DNAH9: variants seen among roughly 807,000 people sequenced by gnomAD.
DNAH9 encodes DNAH9 variant protein.
A neutral mutation model predicts 471.6 loss-of-function variants in DNAH9; 345 were observed. The ratio of observed to expected loss-of-function variants is 0.73; its 90% CI spans 0.67 to 0.80. DNAH9 has a LOEUF of 0.80. Among genes scored for constraint, DNAH9 ranks in the 30% least tolerant of loss-of-function variants. The pLI is 0.00. For missense variants in DNAH9, 5,407 were observed against 5,609.2 expected (o/e 0.96, Z 1.15); for synonymous variants, 2,093 against 2,123.6 (o/e 0.99, Z 0.40).
chr17:11,905,873 C>A, intron 61 of DNAH9, 64 bp downstream of exon 61: 2 of 1,500,374 alleles, frequency 1.3e-6, no homozygotes, highest in Non-Finnish European at 1.8e-6. Context: ...TTCTTGGGGT[C>A]TATTGATTTC....
At chr17:11,689,478 A>T in intron 19 of DNAH9, 88 bp from the exon 20 acceptor site, 1 of 1,133,984 alleles carries the variant, frequency 8.8e-7, no homozygotes, top group Non-Finnish European at 1.3e-6. Context: ...CCAAGCATTT[A>T]AATATTTCAG....
At chr17:11,676,503 G>A (rs1264756556) in intron 17 of DNAH9, among the ~76,000 whole-genome samples, 4 of 151,518 alleles carry the variant, frequency 2.6e-5, no homozygotes, top group Non-Finnish European at 2.9e-5. Context: ...TGCTGGTCTC[G>A]AACTCCTGAC....
At chr17:11,908,904 G>T (rs1045321324) in intron 61 of DNAH9, among the ~76,000 whole-genome samples, 1 of 152,206 alleles carries the variant, frequency 6.6e-6, no homozygotes, top group African/African-American at 2.4e-5. Flanking sequence ...GAAGTCCTCT[G>T]GTGAGGACTG....
At chr17:11,725,860 C>T (rs971144948) in intron 27 of DNAH9, among the ~76,000 whole-genome samples, 4 of 151,640 alleles carry the variant, frequency 2.6e-5, no homozygotes, top group African/African-American at 7.3e-5. Flanking sequence ...GAGCAAGACT[C>T]CATCTCAAAA....
intron 17 of DNAH9, among the ~76,000 whole-genome samples, chr17:11,676,292 T>C (rs1445323207): frequency 7.0e-6 from 1 of 142,726 alleles, no homozygotes. Context: ...TTTTTTTTTT[T>C]TTTTTTTGAG....
At chr17:11,807,964 C>A in intron 44 of DNAH9, 70 bp downstream of exon 44, 1 of 1,499,106 alleles carries the variant, frequency 6.7e-7, no homozygotes, top group Non-Finnish European at 9.0e-7. Flanking sequence ...CATCATCCTT[C>A]ACTCGTTCTC....
In DNAH9 at chr17:11,783,689, C is replaced by T; in HGVS notation, c.7762C>T (p.Gln2588Ter). Reference protein sequence around the residue: ...KLSLKEITNVQYVSCMNPTAG... With the variant: ...KLSLKEITNV The stretch of plus-strand genomic sequence containing the variant: ...GTCCCTAAAGGAGATCACAAATGTA[C>T]AGTATGTTTCCTGTATGAACCCCAC... The change falls in exon 40 of 69, where the codon CAG becomes TAG. Residue 2588 changes from glutamine (Q) to a stop codon, truncating the protein, a stop_gained. Coordinates refer to ENST00000262442, the MANE Select transcript of DNAH9 (RefSeq NM_001372.4). LOFTEE classifies it high-confidence loss of function. 1 of 1,614,078 alleles carries T rather than the reference C, an allele frequency of 6.2e-7. No individual in the cohort carries two copies. The highest frequency in any genetic ancestry group is 2.2e-5 in the East Asian group (1 of 44,864).
At chr17:11,834,328 C>CA (rs762924565) in intron 48 of DNAH9, among the ~76,000 whole-genome samples, 47,992 of 77,642 alleles carry the variant, frequency 0.62, 15,403 homozygotes, top group Middle Eastern at 0.65. Flanking sequence ...GACTCCGTCT[C>CA]AAAAAAAAAA....
At chr17:11,776,319 G>A (rs1173396987) in intron 38 of DNAH9, among the ~76,000 whole-genome samples, 1 of 148,450 alleles carries the variant, frequency 6.7e-6, no homozygotes, top group African/African-American at 2.5e-5. Context: ...CAAGGTGGCA[G>A]AATGGCTGCT....
In DNAH9 at chr17:11,783,629, G is replaced by A. The variant is rs1260038346; in HGVS notation, c.7719-17G>A. 1.2e-6 allele frequency: 2 copies of A among 1,604,228 alleles called. No homozygotes were observed. Among genetic ancestry groups the A allele is most frequent in the South Asian group, 2.2e-5 (2 of 90,566 alleles). On this transcript the variant is annotated splice_polypyrimidine_tract_variant and intron_variant, in intron 39 of 68. Coordinates refer to ENST00000262442, the MANE Select transcript of DNAH9 (RefSeq NM_001372.4). ...AGTCCTCAGACACCTTTCACCTAGAGCTTCTGACTGTTCCAGGTATGATCG... is the reference window on the plus strand; with the variant it reads ...AGTCCTCAGACACCTTTCACCTAGAACTTCTGACTGTTCCAGGTATGATCG...
At chr17:11,898,059 T>C (rs969038112) in intron 59 of DNAH9, among the ~76,000 whole-genome samples, 2 of 152,138 alleles carry the variant, frequency 1.3e-5, no homozygotes, top group Admixed American at 1.3e-4. Flanking sequence ...TCTTCACATC[T>C]TCACATGGCT....
In DNAH9 at chr17:11,664,982, T is replaced by A; in HGVS notation, c.2731+14T>A. ...TGGAAAATACTGGTACTTACTGGCTTATGGATGTGGGTTATTATTGGAAAG... is the reference window on the plus strand; with the variant it reads ...TGGAAAATACTGGTACTTACTGGCTAATGGATGTGGGTTATTATTGGAAAG... On this transcript the variant is annotated intron_variant, in intron 15 of 68. Coordinates refer to ENST00000262442, the MANE Select transcript of DNAH9 (RefSeq NM_001372.4). The A allele has an allele frequency of 6.2e-7, 1 of 1,608,328 alleles. No homozygotes were observed. The highest frequency in any genetic ancestry group is 1.7e-5 in the Admixed American group (1 of 59,372).
intron 38 of DNAH9, among the ~76,000 whole-genome samples, chr17:11,769,694 A>G (rs1305953617): frequency 6.6e-6 from 1 of 152,112 alleles, no homozygotes; most frequent in Non-Finnish European, 1.5e-5. Context: ...AGATCATTTA[A>G]TTCATCTCTC....
Position 11,883,700 on chromosome 17 carries a change from G to A in DNAH9, c.10921G>A (p.Val3641Met), listed in dbSNP as rs1028748221. ...GAACTTCCTGGGAGAAACAGTGCTG[G>A]TGGAAAACCTAGAGATCACCAAGCA... ...SGNFLGETVL[V>M]ENLEITKQTA... Residue 3641 changes from valine (V) to methionine (M), a missense_variant, in exon 56 of 69, where the codon GTG becomes ATG. Coordinates refer to ENST00000262442, the MANE Select transcript of DNAH9 (RefSeq NM_001372.4). The A allele has an allele frequency of 6.2e-7, 1 of 1,614,134 alleles. No individual in the cohort carries two copies. Among genetic ancestry groups the A allele is most frequent in the South Asian group, 1.1e-5 (1 of 91,076 alleles).
In DNAH9 at chr17:11,962,300, T is replaced by C. The variant is rs777393197; in HGVS notation, c.13233+44T>C. On this transcript the variant is annotated intron_variant, in intron 68 of 68. Coordinates refer to ENST00000262442, the MANE Select transcript of DNAH9 (RefSeq NM_001372.4). This position sits in a 1 kb window ranked among gnomAD's most constrained non-coding sequence, Gnocchi z 4.1. Reference sequence around the variant, plus strand: ...CAAAGGGCAGCTTTCTGGGGGCTGATTAAATACACATTGCTTCCTATGAAG... The same window carrying C: ...CAAAGGGCAGCTTTCTGGGGGCTGACTAAATACACATTGCTTCCTATGAAG... 6.5e-7 allele frequency: 1 copy of C among 1,530,144 alleles called. No homozygotes were observed. The highest frequency in any genetic ancestry group is 8.7e-7 in the Non-Finnish European group (1 of 1,144,114). The allele number at this position is 1,530,144 out of a possible 1,614,324, so 94.8% of individuals were successfully genotyped here. A position where few individuals can be genotyped will look rare whatever the true frequency, so the allele number is the denominator to read the frequency against.
chr17:11,885,941 G>A (rs1209431586), intron 56 of DNAH9, among the ~76,000 whole-genome samples: 1 of 152,216 alleles, frequency 6.6e-6, no homozygotes, highest in Non-Finnish European at 1.5e-5. Flanking sequence ...TAAGGGCAGA[G>A]CATATTGAGG....
intron 2 of DNAH9, among the ~76,000 whole-genome samples, chr17:11,610,143 G>A (rs985382197): frequency 1.3e-5 from 2 of 152,162 alleles, no homozygotes; most frequent in Admixed American, 6.5e-5. Context: ...ATATTGATGA[G>A]CCCTGAATCT....
intron 28 of DNAH9, among the ~76,000 whole-genome samples, chr17:11,738,358 T>C (rs553288472): frequency 4.2e-4 from 64 of 152,298 alleles, no homozygotes; most frequent in African/African-American, 1.3e-3. Flanking sequence ...GTGTCATAAA[T>C]GTGGCTGTGG....
rs903043701 is a variant in DNAH9, at chr17:11,684,509, C to T, written c.3743+3620C>T. 9.2e-5 allele frequency among the ~76,000 whole-genome samples: 14 copies of T among 152,254 alleles called. No individual in the cohort carries two copies. In the South Asian group the frequency reaches 1.2e-3, roughly 14 times the overall value. ...TCCCTCTTGAATGAAAGGAATGCCC[C>T]CATGCTCTAGTGGTGTTTCACTGTT... On this transcript the variant is annotated intron_variant, in intron 19 of 68. Coordinates refer to ENST00000262442, the MANE Select transcript of DNAH9 (RefSeq NM_001372.4).
Sources: gnomAD v4.1 joint callset for allele counts (sites outside exome capture counted in the v4.1 genomes callset) on GRCh38, gnomAD v4.1.1 for gene constraint, Gnocchi (gnomAD v3.1) non-coding constraint, MANE v1.5 for transcripts, NCBI Gene and HGNC (gene_info 2026-07-23, HGNC 2026-07-21) for gene names.